The following CNTN4 variants were observed in gnomAD, a reference collection of about 807,000 sequenced individuals.
CNTN4 encodes the protein contactin 4, also known as contactin-4.
Under a neutral mutation model 122.5 loss-of-function variants are expected in CNTN4, and 77 were observed. That is an observed-to-expected ratio of 0.63 (90% CI 0.52 to 0.76). The LOEUF is 0.76. Among genes scored for constraint, CNTN4 ranks in the 30% least tolerant of loss-of-function variants. The pLI is 0.00. For missense variants in CNTN4, 1,256 were observed against 1,259.1 expected (o/e 1.00, Z 0.04); for synonymous variants, 512 against 447.0 (o/e 1.15, Z -1.83).
chr3:2,183,844 T>A (rs2149296060), intron 2 of CNTN4, among the ~76,000 whole-genome samples: 1 of 152,258 alleles, frequency 6.6e-6, no homozygotes, highest in South Asian at 2.1e-4. Flanking sequence ...GTGTCAGAAA[T>A]GGAAGACACT....
In CNTN4 at chr3:2,521,343, T is replaced by TCGCCCACC. The variant is rs781282977; in HGVS notation, c.-88-50072_-88-50071insGCCCACCC. On this transcript the variant is annotated intron_variant, in intron 3 of 24. Coordinates refer to ENST00000418658, the MANE Select transcript of CNTN4 (RefSeq NM_175607.3). Reference sequence around the variant, plus strand: ...GTGAACAAGGGTGGACCTCTACCCATCCCCCCCACCCCCCGCAATAAGTCA... The same window carrying TCGCCCACC: ...GTGAACAAGGGTGGACCTCTACCCATCGCCCACCCCCCCCCACCCCCCGCAATAAGTCA... 5.1e-4 allele frequency among the ~76,000 whole-genome samples: 66 copies of TCGCCCACC among 128,364 alleles called. 1 individual carries two copies. The South Asian group carries it at 7.2e-3, about 14-fold the overall frequency. 84.2% of individuals were successfully genotyped at this position (128,364 alleles called of 152,430 possible). A position where few individuals can be genotyped will look rare whatever the true frequency, so the allele number is the denominator to read the frequency against.
intron 4 of CNTN4, among the ~76,000 whole-genome samples, chr3:2,641,524 A>G (rs2082894406): frequency 6.6e-6 from 1 of 152,178 alleles, no homozygotes; most frequent in Admixed American, 6.5e-5. Flanking sequence ...TGACAAGTTC[A>G]TCAACTTGAT....
At chr3:2,176,278 G>A (rs968982449) in intron 2 of CNTN4, among the ~76,000 whole-genome samples, 2 of 151,988 alleles carry the variant, frequency 1.3e-5, no homozygotes, top group South Asian at 2.1e-4. Context: ...CCACTGTCCC[G>A]GTAAGGAATA....
chr3:3,017,059 T>C (rs1697826554), intron 14 of CNTN4, among the ~76,000 whole-genome samples: 1 of 152,218 alleles, frequency 6.6e-6, no homozygotes, highest in African/African-American at 2.4e-5. Flanking sequence ...CTTGTGAACG[T>C]GCCCTATGCT....
intron 13 of CNTN4, among the ~76,000 whole-genome samples, chr3:2,968,728 G>A (rs530717125): frequency 3.2e-4 from 49 of 152,272 alleles, no homozygotes; most frequent in African/African-American, 1.1e-3. Context: ...GGACTATATT[G>A]CATGAGCTTA....
chr3:2,489,478 A>C (rs1328296172), intron 3 of CNTN4, among the ~76,000 whole-genome samples: 1 of 152,184 alleles, frequency 6.6e-6, no homozygotes, highest in Admixed American at 6.5e-5. Flanking sequence ...GCCATATTAA[A>C]CCAGAAGCCT....
intron 2 of CNTN4, among the ~76,000 whole-genome samples, chr3:2,220,072 C>T (rs1189680843): frequency 1.3e-5 from 2 of 152,142 alleles, no homozygotes; most frequent in East Asian, 3.8e-4. Flanking sequence ...TCTGCCATCA[C>T]TCAGAGTGTT....
chr3:2,364,980 G>T (rs934310426), intron 3 of CNTN4, among the ~76,000 whole-genome samples: 5 of 152,040 alleles, frequency 3.3e-5, no homozygotes, highest in Non-Finnish European at 7.4e-5. Flanking sequence ...TTATTTATCC[G>T]TTGGGGATAA....
chr3:2,271,124 A>G (rs2041277876), intron 2 of CNTN4, among the ~76,000 whole-genome samples: 1 of 128,694 alleles, frequency 7.8e-6, no homozygotes. Context: ...TCTCCATATA[A>G]TAAAACTCTT....
intron 3 of CNTN4, among the ~76,000 whole-genome samples, chr3:2,551,839 GT>G (rs1266257960): frequency 2.0e-5 from 3 of 151,988 alleles, no homozygotes; most frequent in Admixed American, 6.6e-5. Context: ...CTTTTTAAAG[GT>G]TTTTTTCTTT....
intron 4 of CNTN4, among the ~76,000 whole-genome samples, chr3:2,614,948 T>C (rs750450437): frequency 2.6e-5 from 4 of 152,140 alleles, no homozygotes; most frequent in Non-Finnish European, 5.9e-5. Flanking sequence ...TGATGGGTAC[T>C]TATTTATTGA....
Position 2,715,992 on chromosome 3 carries a change from C to G in CNTN4, c.56-20223C>G, listed in dbSNP as rs190844324. Among the ~76,000 whole-genome samples the G allele has an allele frequency of 6.6e-5, 10 of 152,202 alleles. No homozygotes were observed. In the East Asian group the frequency reaches 1.7e-3, roughly 26 times the overall value. On this transcript the variant is annotated intron_variant, in intron 4 of 24. Transcript: ENST00000418658. ...GTTTATTTCTTTTTCGAGAAAGGGT[C>G]TCACTCTGTCACCCAGGCTTATAGT...
At chr3:3,001,375 A>G (rs1467528084) in intron 14 of CNTN4, among the ~76,000 whole-genome samples, 1 of 152,246 alleles carries the variant, frequency 6.6e-6, no homozygotes, top group Non-Finnish European at 1.5e-5. Context: ...TCCCAGATGC[A>G]TCACTGGATA....
chr3:2,341,347 A>T (rs1389113628), intron 3 of CNTN4, among the ~76,000 whole-genome samples: 1 of 152,072 alleles, frequency 6.6e-6, no homozygotes, highest in South Asian at 2.1e-4. Context: ...TAATTATCTT[A>T]CCCTCCCACT....
intron 4 of CNTN4, among the ~76,000 whole-genome samples, chr3:2,668,957 G>A (rs2084335813): frequency 6.6e-6 from 1 of 152,160 alleles, no homozygotes. Flanking sequence ...GATCATGGTG[G>A]ATAAGCTTTT....
chr3:2,129,944 T>C (rs2034372518), intron 2 of CNTN4, among the ~76,000 whole-genome samples: 1 of 152,036 alleles, frequency 6.6e-6, no homozygotes, highest in African/African-American at 2.4e-5. Flanking sequence ...ACTGGCATTG[T>C]AAGTAAATTT....
chr3:2,892,650 A>G (rs567013639), intron 10 of CNTN4, among the ~76,000 whole-genome samples: 217 of 152,340 alleles, frequency 1.4e-3, no homozygotes, highest in African/African-American at 4.0e-3. Context: ...ATTTAGTAGA[A>G]TGAAGTGTGA....
chr3:2,818,033 T>C (rs1261912376), intron 6 of CNTN4, among the ~76,000 whole-genome samples: 1 of 152,218 alleles, frequency 6.6e-6, no homozygotes, highest in Non-Finnish European at 1.5e-5. Context: ...GTGTGTGTCC[T>C]TCATGTTCAC....
At chr3:2,220,984 C>T (rs193015490) in intron 2 of CNTN4, among the ~76,000 whole-genome samples, 1 of 152,094 alleles carries the variant, frequency 6.6e-6, no homozygotes, top group Non-Finnish European at 1.5e-5. Flanking sequence ...TACTTCATCT[C>T]AAGCCAGAAT....
Sources: allele counts gnomAD v4.1 joint callset (sites outside exome capture counted in the v4.1 genomes callset), GRCh38; gene constraint gnomAD v4.1.1; transcripts MANE v1.5; gene names NCBI Gene and HGNC (gene_info 2026-07-23, HGNC 2026-07-21).